The following RGS7 variants were observed in gnomAD, a reference collection of about 807,000 sequenced individuals.
The protein encoded by RGS7 is regulator of G protein signaling 7, also known as regulator of G-protein signaling 7.
A neutral mutation model predicts 81.1 loss-of-function variants in RGS7; 27 were observed. That is an observed-to-expected ratio of 0.33 (90% confidence interval 0.25 to 0.46). The LOEUF (loss-of-function observed/expected upper bound fraction) is 0.46, where lower values mean the gene tolerates loss of function less well. RGS7 is among the 20% of genes least tolerant of loss of function. The pLI is 1.00. For missense variants in RGS7, 396 were observed against 607.4 expected (o/e 0.65, Z 3.66); for synonymous variants, 208 against 207.7 (o/e 1.00, Z -0.01).
intron 4 of RGS7, among the ~76,000 whole-genome samples, chr1:240,951,174 C>T (rs1679498691): frequency 6.6e-6 from 1 of 152,164 alleles, no homozygotes; most frequent in African/African-American, 2.4e-5. Flanking sequence ...CCTGCCTTGG[C>T]CTACCAAAGT....
chr1:240,960,927 C>T (rs142301879), intron 4 of RGS7, among the ~76,000 whole-genome samples: 22 of 152,024 alleles, frequency 1.4e-4, no homozygotes, highest in African/African-American at 5.3e-4. Flanking sequence ...AAATAGCATG[C>T]CAAGTGCAAT....
intron 2 of RGS7, among the ~76,000 whole-genome samples, chr1:241,225,332 G>C (rs1242306366): frequency 6.6e-6 from 1 of 152,160 alleles, no homozygotes. Context: ...AATAATTTAT[G>C]CATTTCTCCC....
At chr1:240,859,440 G>GTTTTTTTTTTTTTTTTTCT (rs1661754824) in intron 9 of RGS7, among the ~76,000 whole-genome samples, 1 of 110,826 alleles carries the variant, frequency 9.0e-6, no homozygotes, top group Non-Finnish European at 1.8e-5. Flanking sequence ...TTTCTTTCCT[G>GTTTTTTTTTTTTTTTTTCT]TTTTTTTTTT....
chr1:240,891,201 T>TA (rs1553339415), intron 6 of RGS7, among the ~76,000 whole-genome samples: 1 of 151,712 alleles, frequency 6.6e-6, no homozygotes, highest in Non-Finnish European at 1.5e-5. Flanking sequence ...CCAGCATCAC[T>TA]GGGGGGGTGG....
chr1:241,290,791 A>C (rs1337400272), intron 2 of RGS7, among the ~76,000 whole-genome samples: 2 of 152,232 alleles, frequency 1.3e-5, no homozygotes, highest in Non-Finnish European at 2.9e-5. Flanking sequence ...AACTGTCAAC[A>C]GAGTTGACAG....
intron 6 of RGS7, among the ~76,000 whole-genome samples, chr1:240,904,990 C>CA (rs1323935467): frequency 2.6e-5 from 4 of 151,340 alleles, no homozygotes; most frequent in African/African-American, 4.9e-5. Context: ...GTTCAGGGTA[C>CA]AAAAAAAATA....
At chr1:241,019,145 C>T (rs529945336) in intron 3 of RGS7, among the ~76,000 whole-genome samples, 18 of 152,104 alleles carry the variant, frequency 1.2e-4, no homozygotes, top group Non-Finnish European at 2.4e-4. Context: ...CTGGTCTGCC[C>T]TCAGTTTCCA....
At chr1:240,995,783 G>A (rs570653070) in intron 3 of RGS7, among the ~76,000 whole-genome samples, 1 of 150,434 alleles carries the variant, frequency 6.6e-6, no homozygotes, top group East Asian at 1.9e-4. Context: ...TGTTTCATTG[G>A]TTTTTAAATT....
At chr1:240,835,156 A>C (rs1307328764) in intron 9 of RGS7, among the ~76,000 whole-genome samples, 1 of 152,182 alleles carries the variant, frequency 6.6e-6, no homozygotes, top group East Asian at 1.9e-4. Context: ...AGATACTGTC[A>C]AGAGAATGAG....
intron 3 of RGS7, among the ~76,000 whole-genome samples, chr1:241,043,595 A>G (rs12086872): frequency 0.071 from 10,416 of 146,786 alleles, 564 homozygotes; most frequent in African/African-American, 0.14. Flanking sequence ...TATATTTTAT[A>G]TATTATAATA....
intron 2 of RGS7, among the ~76,000 whole-genome samples, chr1:241,340,583 C>T (rs767981559): frequency 6.6e-6 from 1 of 152,090 alleles, no homozygotes; most frequent in Non-Finnish European, 1.5e-5. Flanking sequence ...TTTCACTGTA[C>T]TATTATCTTA....
chr1:241,124,046 G>A (rs552319248), intron 2 of RGS7, among the ~76,000 whole-genome samples: 2 of 152,272 alleles, frequency 1.3e-5, no homozygotes, highest in Admixed American at 1.3e-4. Flanking sequence ...CTTAGGTCAA[G>A]CATTAATAAA....
intron 2 of RGS7, among the ~76,000 whole-genome samples, chr1:241,117,023 T>A (rs1210099520): frequency 2.0e-5 from 3 of 152,108 alleles, no homozygotes; most frequent in Non-Finnish European, 4.4e-5. Context: ...GTTACACAGT[T>A]GGTAAGAAGG....
chr1:241,235,675 TC>T (rs1558220064), intron 2 of RGS7, among the ~76,000 whole-genome samples: 10 of 140,052 alleles, frequency 7.1e-5, no homozygotes, highest in African/African-American at 2.4e-4. Flanking sequence ...TTTCTCTCTC[TC>T]TTTCTTTCTC....
intron 14 of RGS7, among the ~76,000 whole-genome samples, chr1:240,806,669 T>C (rs1688910981): frequency 6.6e-6 from 1 of 152,104 alleles, no homozygotes; most frequent in African/African-American, 2.4e-5. Context: ...ACACTGATTT[T>C]ACCTAAGGAA....
chr1:240,841,645 C>A (rs188842094), intron 9 of RGS7, among the ~76,000 whole-genome samples: 1 of 152,210 alleles, frequency 6.6e-6, no homozygotes. Flanking sequence ...CACTATGAAC[C>A]TAATTTTCAC....
chr1:240,898,580 T>C (rs545336801), intron 6 of RGS7, among the ~76,000 whole-genome samples: 2 of 152,328 alleles, frequency 1.3e-5, no homozygotes, highest in South Asian at 4.1e-4. Context: ...AGTTTCCATG[T>C]AGTTGAGCGC....
intron 3 of RGS7, among the ~76,000 whole-genome samples, chr1:241,055,278 T>A (rs1344237551): frequency 6.6e-6 from 1 of 152,090 alleles, no homozygotes; most frequent in African/African-American, 2.4e-5. Flanking sequence ...GCCTCCCAAT[T>A]CTGATGGTAA....
chr1:241,347,004 C>G (rs2082935521), intron 2 of RGS7, among the ~76,000 whole-genome samples: 1 of 151,944 alleles, frequency 6.6e-6, no homozygotes, highest in Non-Finnish European at 1.5e-5. Context: ...CTTCAAAATC[C>G]CTTGGCATAC....
Sources: allele counts gnomAD v4.1 joint callset (sites outside exome capture counted in the v4.1 genomes callset), GRCh38; gene constraint gnomAD v4.1.1; transcripts MANE v1.5; gene names NCBI Gene and HGNC (gene_info 2026-07-23, HGNC 2026-07-21).